Variants in UST observed in about 807,000 individuals in gnomAD.
UST encodes uronyl 2-sulfotransferase.
A neutral mutation model predicts 45.6 loss-of-function variants in UST; 21 were observed. The observed-to-expected ratio is 0.46, with a 90% CI of 0.33 to 0.66. The LOEUF is 0.66. UST is among the 30% of genes least tolerant of loss of function. The pLI, the probability that UST is intolerant of heterozygous loss-of-function variation, is 0.02. For synonymous variants in UST, 215 were observed against 200.6 expected (o/e 1.07, Z -0.61); for missense variants, 463 against 512.4 (o/e 0.90, Z 0.93).
At chr6:148,831,842 T>C (rs1010569446) in intron 1 of UST, among the ~76,000 whole-genome samples, 3 of 152,096 alleles carry the variant, frequency 2.0e-5, no homozygotes, top group Non-Finnish European at 2.9e-5. Flanking sequence ...GAGACCCAGA[T>C]TGCTTAAATA....
chr6:148,760,740 A>AC (rs57050719), intron 1 of UST, among the ~76,000 whole-genome samples: 65 of 152,170 alleles, frequency 4.3e-4, no homozygotes, highest in East Asian at 1.3e-3. Context: ...ACAAAACAAA[A>AC]AAAAACCACA....
intron 1 of UST, among the ~76,000 whole-genome samples, chr6:148,830,814 T>C (rs1777670736): frequency 6.6e-6 from 1 of 151,306 alleles, no homozygotes. Context: ...GAGGAGGAAA[T>C]GGGGAGCTAT....
chr6:148,851,413 C>A (rs9403991), intron 1 of UST, among the ~76,000 whole-genome samples: 9,577 of 152,044 alleles, frequency 0.063, 533 homozygotes, highest in East Asian at 0.31. Context: ...ACTAGAAAAA[C>A]CAAGGTAGAA....
chr6:149,010,140 T>C (rs558726080), intron 5 of UST, among the ~76,000 whole-genome samples: 171 of 152,332 alleles, frequency 1.1e-3, no homozygotes, highest in African/African-American at 4.0e-3. Flanking sequence ...TGCAGTTATT[T>C]ACAATGACAT....
chr6:149,010,913 A>AAAAACAAAAAAAAAC (rs1554234082), intron 5 of UST, among the ~76,000 whole-genome samples: 1 of 92,968 alleles, frequency 1.1e-5, no homozygotes, highest in African/African-American at 4.4e-5. Flanking sequence ...AAAAAAAAAA[A>AAAAACAAAAAAAAAC]AAAAAACTGT....
At chr6:148,891,855 A>T (rs889150608) in intron 2 of UST, among the ~76,000 whole-genome samples, 1 of 152,228 alleles carries the variant, frequency 6.6e-6, no homozygotes, top group Non-Finnish European at 1.5e-5. Flanking sequence ...GAACCTTTTC[A>T]CATCTACTTT....
chr6:149,021,885 G>GT (rs1297070738), intron 7 of UST, among the ~76,000 whole-genome samples: 1 of 152,200 alleles, frequency 6.6e-6, no homozygotes, highest in Non-Finnish European at 1.5e-5. Flanking sequence ...GGAAACATGC[G>GT]TGAGTATGAA....
intron 1 of UST, among the ~76,000 whole-genome samples, chr6:148,872,530 T>C (rs1004913032): frequency 2.0e-5 from 3 of 152,224 alleles, no homozygotes; most frequent in Non-Finnish European, 4.4e-5. Flanking sequence ...ATTTTGCTCA[T>C]AGAAAGAAGT....
intron 5 of UST, among the ~76,000 whole-genome samples, chr6:148,986,127 T>C (rs751672848): frequency 3.9e-5 from 6 of 152,214 alleles, no homozygotes; most frequent in Non-Finnish European, 8.8e-5. Flanking sequence ...CTTAGACAAC[T>C]TGTCACACTA....
intron 2 of UST, among the ~76,000 whole-genome samples, chr6:148,892,965 A>T (rs948223833): frequency 3.9e-4 from 60 of 152,054 alleles, no homozygotes; most frequent in Admixed American, 1.2e-3. Context: ...TTCTTTTTTT[A>T]AAAAAAAGTA....
At chr6:149,060,961 T>C (rs1776645360) in intron 7 of UST, among the ~76,000 whole-genome samples, 1 of 152,184 alleles carries the variant, frequency 6.6e-6, no homozygotes, top group African/African-American at 2.4e-5. Context: ...GCACATAATC[T>C]CTGCTGGACC....
intron 7 of UST, among the ~76,000 whole-genome samples, chr6:149,024,157 C>T (rs1309778843): frequency 2.6e-5 from 4 of 152,202 alleles, no homozygotes; most frequent in African/African-American, 7.2e-5. Flanking sequence ...ATACGGCCTT[C>T]AGGGTGCACC....
At chr6:148,923,463 T>C (rs1485533341) in intron 2 of UST, among the ~76,000 whole-genome samples, 1 of 152,252 alleles carries the variant, frequency 6.6e-6, no homozygotes, top group African/African-American at 2.4e-5. Flanking sequence ...TTTTTGATTA[T>C]AGTCAGCCAG....
intron 7 of UST, among the ~76,000 whole-genome samples, chr6:149,042,698 C>G (rs1562337604): frequency 1.3e-5 from 2 of 152,246 alleles, no homozygotes; most frequent in Non-Finnish European, 2.9e-5. Flanking sequence ...CTATGCCGTT[C>G]CTACAACACT....
chr6:148,797,002 C>G (rs550160564), intron 1 of UST, among the ~76,000 whole-genome samples: 67 of 152,010 alleles, frequency 4.4e-4, no homozygotes, highest in African/African-American at 1.5e-3. Context: ...GGGGTTTCAC[C>G]ATCTTGGCTG....
At chr6:148,912,404 C>G in intron 2 of UST, among the ~76,000 whole-genome samples, 1 of 152,340 alleles carries the variant, frequency 6.6e-6, no homozygotes. Flanking sequence ...GAAGGCCGAG[C>G]AGGCCCATAT....
Position 148,790,627 on chromosome 6 carries a change from C to T in UST, c.247+42950C>T, listed in dbSNP as rs558656291. On this transcript the variant is annotated intron_variant, in intron 1 of 7. Transcript: ENST00000367463. The surrounding 1 kb of genome is among the most constrained non-coding windows in gnomAD (Gnocchi z 4.2). ...GCTGCCAGCTTCTGAGCATGGCTACCGATGTGTCATGGCTGGGTCCCTCCT... is the reference window on the plus strand; with the variant it reads ...GCTGCCAGCTTCTGAGCATGGCTACTGATGTGTCATGGCTGGGTCCCTCCT... Among the ~76,000 whole-genome samples, 9 of 152,274 alleles carry T rather than the reference C, an allele frequency of 5.9e-5. No individual in the cohort carries two copies. In the South Asian group the frequency reaches 1.7e-3, roughly 28 times the overall value.
intron 5 of UST, among the ~76,000 whole-genome samples, chr6:148,976,449 G>C (rs553667012): frequency 6.6e-6 from 1 of 152,322 alleles, no homozygotes; most frequent in Non-Finnish European, 1.5e-5. Context: ...ATACTCTGCT[G>C]TCAAGGGTAC....
chr6:148,878,033 A>G (rs1582872294), intron 1 of UST, among the ~76,000 whole-genome samples: 3 of 54,000 alleles, frequency 5.6e-5, no homozygotes, highest in South Asian at 7.8e-4. Flanking sequence ...GAGTGCGGAG[A>G]TTGTGTATGA....
Sources: gnomAD v4.1 joint callset for allele counts (sites outside exome capture counted in the v4.1 genomes callset) on GRCh38, gnomAD v4.1.1 for gene constraint, Gnocchi (gnomAD v3.1) non-coding constraint, MANE v1.5 for transcripts, NCBI Gene and HGNC (gene_info 2026-07-23, HGNC 2026-07-21) for gene names.